Variants in AKNAD1 observed in about 807,000 individuals in gnomAD.
AKNAD1 encodes AKNA domain containing 1.
AKNAD1 carries 67 observed loss-of-function variants against 90.8 expected under a neutral mutation model. The observed-to-expected ratio is 0.74, with a 90% CI of 0.61 to 0.90. AKNAD1 has a LOEUF of 0.90. Among genes scored for constraint, AKNAD1 ranks in the 40% least tolerant of loss-of-function variants. The pLI is 0.00. For missense variants in AKNAD1, 957 were observed against 975.4 expected (o/e 0.98, Z 0.25); for synonymous variants, 327 against 341.4 (o/e 0.96, Z 0.46).
At chr1:108,832,785 T>C (rs76562846) in intron 9 of AKNAD1, among the ~76,000 whole-genome samples, 2,337 of 152,210 alleles carry the variant, frequency 0.015, 50 homozygotes, top group African/African-American at 0.053. Context: ...TAATGAGATA[T>C]CAGTTTTCAC....
At chr1:108,847,101 T>A (rs1309126020) in intron 5 of AKNAD1, among the ~76,000 whole-genome samples, 2 of 152,080 alleles carry the variant, frequency 1.3e-5, no homozygotes, top group Non-Finnish European at 2.9e-5. Flanking sequence ...TCCGAACCAA[T>A]CTCTGTGCCT....
chr1:108,833,375 G>A (rs1387231606), intron 9 of AKNAD1, among the ~76,000 whole-genome samples: 1 of 152,270 alleles, frequency 6.6e-6, no homozygotes, highest in East Asian at 1.9e-4. Context: ...CTGAGGTCGG[G>A]AGTTCTAGAC....
At chr1:108,852,902 T>A in intron 1 of AKNAD1, 135 bp from the exon 2 acceptor site, 1 of 353,920 alleles carries the variant, frequency 2.8e-6, no homozygotes, top group Non-Finnish European at 5.0e-6. Flanking sequence ...AACCACAAGC[T>A]GACCCAACCT....
intron 5 of AKNAD1, among the ~76,000 whole-genome samples, chr1:108,847,645 C>A (rs1343448037): frequency 6.6e-6 from 1 of 152,026 alleles, no homozygotes; most frequent in Non-Finnish European, 1.5e-5. Flanking sequence ...CTTCCTCACC[C>A]CTGTGCCATT....
chr1:108,838,335 A>G (rs1664444001), intron 6 of AKNAD1, among the ~76,000 whole-genome samples: 1 of 150,672 alleles, frequency 6.6e-6, no homozygotes, highest in Non-Finnish European at 1.5e-5. Context: ...CCCCCAAAAA[A>G]AACCCTGTTT....
chr1:108,832,695 T>A (rs1483433160), intron 9 of AKNAD1, among the ~76,000 whole-genome samples: 1 of 152,286 alleles, frequency 6.6e-6, no homozygotes, highest in African/African-American at 2.4e-5. Context: ...ACTTAAAATA[T>A]CAATATTGTC....
chr1:108,839,665 T>G (rs79252944), intron 6 of AKNAD1, among the ~76,000 whole-genome samples: 1,993 of 152,214 alleles, frequency 0.013, 35 homozygotes, highest in African/African-American at 0.046. Context: ...AGAAGAAAAC[T>G]CTCTTGATGA....
chr1:108,826,616 C>T (rs1331184319), intron 11 of AKNAD1, among the ~76,000 whole-genome samples: 1 of 151,566 alleles, frequency 6.6e-6, no homozygotes, highest in Non-Finnish European at 1.5e-5. Context: ...GATGGACAGA[C>T]TGAATGACAT....
At chr1:108,820,717 T>G in intron 13 of AKNAD1, 91 bp from the exon 14 acceptor site, 1 of 673,856 alleles carries the variant, frequency 1.5e-6, no homozygotes, top group East Asian at 2.7e-5. Flanking sequence ...TTTGTATGAA[T>G]GAAATATTTC....
At chr1:108,850,360 T>C (rs1664813621) in intron 2 of AKNAD1, among the ~76,000 whole-genome samples, 1 of 152,106 alleles carries the variant, frequency 6.6e-6, no homozygotes, top group South Asian at 2.1e-4. Context: ...CGAACCCCCA[T>C]ACCAGAGGGA....
chr1:108,816,694 GC>G (rs1463327240), intron 15 of AKNAD1, among the ~76,000 whole-genome samples: 1 of 152,176 alleles, frequency 6.6e-6, no homozygotes, highest in Non-Finnish European at 1.5e-5. Flanking sequence ...TTTGAAAGTG[GC>G]CTGGGGATTC....
chr1:108,833,916 T>C (rs922791578), intron 9 of AKNAD1, among the ~76,000 whole-genome samples: 1 of 152,032 alleles, frequency 6.6e-6, no homozygotes, highest in Non-Finnish European at 1.5e-5. Flanking sequence ...CTGCAAAAAG[T>C]CTTTGCAAAC....
At chr1:108,826,289 C>T (rs1270631710) in intron 11 of AKNAD1, among the ~76,000 whole-genome samples, 2 of 151,614 alleles carry the variant, frequency 1.3e-5, no homozygotes, top group African/African-American at 4.8e-5. Flanking sequence ...AGTGCAGCTT[C>T]CTGGTGCATA....
intron 7 of AKNAD1, among the ~76,000 whole-genome samples, chr1:108,835,763 T>G (rs1238431470): frequency 6.6e-6 from 1 of 152,098 alleles, no homozygotes; most frequent in Non-Finnish European, 1.5e-5. Context: ...TAGCTGGGAT[T>G]ACAGGCGCCC....
At chr1:108,838,237 G>C (rs1664440836) in intron 6 of AKNAD1, among the ~76,000 whole-genome samples, 1 of 151,454 alleles carries the variant, frequency 6.6e-6, no homozygotes, top group South Asian at 2.1e-4. Flanking sequence ...AGTCCACAAA[G>C]GAAAATTTCA....
chr1:108,832,157 TA>T (rs957436683), intron 9 of AKNAD1, among the ~76,000 whole-genome samples: 1 of 151,520 alleles, frequency 6.6e-6, no homozygotes, highest in Non-Finnish European at 1.5e-5. Context: ...GCATCATGAG[TA>T]AGTGGGAAAG....
At chr1:108,834,016 G>C (rs1359826446) in intron 9 of AKNAD1, among the ~76,000 whole-genome samples, 1 of 151,998 alleles carries the variant, frequency 6.6e-6, no homozygotes, top group African/African-American at 2.4e-5. Flanking sequence ...CCCCGGGGTT[G>C]GTAATCCCAG....
chr1:108,816,867 T>C (rs1663628715), intron 15 of AKNAD1, 181 bp downstream of exon 15: 2 of 643,592 alleles, frequency 3.1e-6, no homozygotes, highest in Admixed American at 3.1e-5. Flanking sequence ...TTTAGAATAA[T>C]ACAAACCTTG....
rs777505186 is a variant in AKNAD1, at chr1:108,848,905, G to C, written c.1182+7C>G. The C allele has an allele frequency of 6.3e-7, 1 of 1,599,674 alleles. No homozygotes were observed. The highest frequency in any genetic ancestry group is 8.5e-7 in the Non-Finnish European group (1 of 1,175,692). On this transcript the variant is annotated splice_region_variant and intron_variant, in intron 4 of 15. Coordinates refer to ENST00000370001, the MANE Select transcript of AKNAD1 (RefSeq NM_152763.5). ...ATATTGTTTATAATAAGCTTTAAAA[G>C]TATTACTTTAGTCTTCAGTTGATCA... is the stretch of plus-strand genomic sequence containing the variant.
Sources: gnomAD v4.1 joint callset for allele counts (sites outside exome capture counted in the v4.1 genomes callset) on GRCh38, gnomAD v4.1.1 for gene constraint, MANE v1.5 for transcripts, NCBI Gene and HGNC (gene_info 2026-07-23, HGNC 2026-07-21) for gene names.